ZNF804A: variants seen among roughly 807,000 people sequenced by gnomAD.
The protein encoded by ZNF804A is zinc finger protein 804A.
Under a neutral mutation model 16.5 loss-of-function variants are expected in ZNF804A, and 2 were observed. The observed-to-expected ratio is 0.12, with a 90% CI of 0.05 to 0.38. The LOEUF is 0.38. ZNF804A is among the 10% of genes least tolerant of loss of function. The probability of loss-of-function intolerance (pLI) is 0.99; values close to 1 mark genes in which losing one functional copy is unlikely to be tolerated. For missense variants in ZNF804A, 1,473 were observed against 1,390.7 expected (o/e 1.06, Z -0.94); for synonymous variants, 534 against 489.6 (o/e 1.09, Z -1.20).
chr2:184,821,711 T>A (rs1695089158), intron 1 of ZNF804A, among the ~76,000 whole-genome samples: 1 of 152,084 alleles, frequency 6.6e-6, no homozygotes, highest in African/African-American at 2.4e-5. Context: ...TAAACAGATT[T>A]ACAAGGAAAA....
intron 1 of ZNF804A, among the ~76,000 whole-genome samples, chr2:184,726,489 C>G (rs899260782): frequency 6.6e-6 from 1 of 151,074 alleles, no homozygotes; most frequent in Non-Finnish European, 1.5e-5. Flanking sequence ...AGAGAACTGT[C>G]GAAATTCAGA....
intron 2 of ZNF804A, among the ~76,000 whole-genome samples, chr2:184,901,012 C>T (rs186221682): frequency 6.6e-6 from 1 of 152,258 alleles, no homozygotes; most frequent in Admixed American, 6.5e-5. Flanking sequence ...TCTCCATATG[C>T]TTGAACCATT....
intron 2 of ZNF804A, among the ~76,000 whole-genome samples, chr2:184,875,032 G>C (rs1369204524): frequency 1.3e-5 from 2 of 152,044 alleles, no homozygotes; most frequent in African/African-American, 4.8e-5. Context: ...TTCTACCACT[G>C]TCCTGATTTA....
intron 1 of ZNF804A, among the ~76,000 whole-genome samples, chr2:184,635,352 T>C (rs1448168512): frequency 6.6e-6 from 1 of 152,138 alleles, no homozygotes; most frequent in Admixed American, 6.6e-5. Flanking sequence ...GCACTAGTAT[T>C]ATAAAGCTGT....
chr2:184,747,321 C>G (rs1053209292), intron 1 of ZNF804A, among the ~76,000 whole-genome samples: 1 of 78,092 alleles, frequency 1.3e-5, no homozygotes, highest in Non-Finnish European at 2.5e-5. Flanking sequence ...AATCTTGCTG[C>G]AAAAAAAAAA....
At chr2:184,701,140 T>C (rs1350811159) in intron 1 of ZNF804A, among the ~76,000 whole-genome samples, 1 of 151,986 alleles carries the variant, frequency 6.6e-6, no homozygotes, top group South Asian at 2.1e-4. Flanking sequence ...AAATGGGCTA[T>C]GTTTTAGTGT....
At chr2:184,746,359 A>G (rs1006432534) in intron 1 of ZNF804A, among the ~76,000 whole-genome samples, 6 of 151,368 alleles carry the variant, frequency 4.0e-5, no homozygotes, top group African/African-American at 1.5e-4. Context: ...CCAGCCTCTA[A>G]CAGATTATAT....
At chr2:184,881,716 T>C (rs1292916298) in intron 2 of ZNF804A, among the ~76,000 whole-genome samples, 1 of 151,990 alleles carries the variant, frequency 6.6e-6, no homozygotes, top group Non-Finnish European at 1.5e-5. Flanking sequence ...TAAGATACTT[T>C]TCAGACAAGC....
intron 2 of ZNF804A, among the ~76,000 whole-genome samples, chr2:184,916,560 A>AATT (rs1685452947): frequency 6.6e-6 from 1 of 152,300 alleles, no homozygotes; most frequent in East Asian, 1.9e-4. Flanking sequence ...GTTGACTCTA[A>AATT]AAAGATTGGC....
At chr2:184,661,167 T>G (rs1692170356) in intron 1 of ZNF804A, among the ~76,000 whole-genome samples, 2 of 152,168 alleles carry the variant, frequency 1.3e-5, no homozygotes, top group African/African-American at 2.4e-5. Context: ...GGGAATGGCG[T>G]CCAGTGGCTT....
intron 2 of ZNF804A, among the ~76,000 whole-genome samples, chr2:184,906,082 T>A (rs1306815612): frequency 1.3e-5 from 2 of 152,166 alleles, no homozygotes; most frequent in Non-Finnish European, 2.9e-5. Flanking sequence ...TGTTGTCATA[T>A]TTGATCATTG....
intron 1 of ZNF804A, among the ~76,000 whole-genome samples, chr2:184,786,651 C>A (rs1031641736): frequency 6.6e-6 from 1 of 151,906 alleles, no homozygotes; most frequent in African/African-American, 2.4e-5. Flanking sequence ...TACTAGCCTA[C>A]TGGAACATAA....
chr2:184,907,012 C>A (rs1233001910), intron 2 of ZNF804A, among the ~76,000 whole-genome samples: 3 of 152,120 alleles, frequency 2.0e-5, no homozygotes, highest in Admixed American at 6.6e-5. Flanking sequence ...GTATCTCAGA[C>A]CTCCAGCCAT....
intron 1 of ZNF804A, among the ~76,000 whole-genome samples, chr2:184,712,910 AT>A (rs1693151773): frequency 6.6e-6 from 1 of 151,324 alleles, no homozygotes; most frequent in African/African-American, 2.4e-5. Flanking sequence ...TTCCTGTATC[AT>A]TTTTTTCTTA....
At chr2:184,749,836 A>C (rs1240316721) in intron 1 of ZNF804A, among the ~76,000 whole-genome samples, 1 of 151,256 alleles carries the variant, frequency 6.6e-6, no homozygotes, top group Admixed American at 6.6e-5. Flanking sequence ...TTTTTCATGT[A>C]TTCAGCTTTC....
At chr2:184,668,072 A>C (rs900688992) in intron 1 of ZNF804A, among the ~76,000 whole-genome samples, 1 of 151,800 alleles carries the variant, frequency 6.6e-6, no homozygotes, top group African/African-American at 2.4e-5. Flanking sequence ...CAGTTATCTC[A>C]GATGTAAATT....
chr2:184,888,183 T>C, intron 2 of ZNF804A, among the ~76,000 whole-genome samples: 1 of 152,194 alleles, frequency 6.6e-6, no homozygotes, highest in East Asian at 1.9e-4. Flanking sequence ...CTGCATAGAA[T>C]TTACTTTGGG....
chr2:184,882,575 A>G (rs951087870), intron 2 of ZNF804A, among the ~76,000 whole-genome samples: 4 of 152,080 alleles, frequency 2.6e-5, no homozygotes, highest in African/African-American at 9.6e-5. Flanking sequence ...AAAAATAATA[A>G]TAAATTGAAC....
chr2:184,649,831 CAA>C (rs57435962), intron 1 of ZNF804A, among the ~76,000 whole-genome samples: 11 of 130,596 alleles, frequency 8.4e-5, no homozygotes, highest in Non-Finnish European at 1.5e-4. Context: ...ACAAATCAAC[CAA>C]AAAAAAAAAA....
Sources: allele counts gnomAD v4.1 joint callset (sites outside exome capture counted in the v4.1 genomes callset), GRCh38; gene constraint gnomAD v4.1.1; transcripts MANE v1.5; gene names NCBI Gene and HGNC (gene_info 2026-07-23, HGNC 2026-07-21).